Variants in NYAP2 observed in about 807,000 individuals in gnomAD.
NYAP2 encodes the protein neuronal tyrosine-phosphorylated phosphoinositide-3-kinase adaptor 2, also known as neuronal tyrosine-phosphorylated phosphoinositide-3-kinase adapter 2.
In NYAP2, 23 loss-of-function variants were observed where a neutral mutation model predicts 50.4. The observed-to-expected ratio is 0.46, with a 90% CI of 0.33 to 0.65. The LOEUF (loss-of-function observed/expected upper bound fraction) is 0.65, where lower values mean the gene tolerates loss of function less well. Ranked by LOEUF, NYAP2 falls within the 30% of genes least tolerant of loss-of-function variation. The pLI, the probability that NYAP2 is intolerant of heterozygous loss-of-function variation, is 0.02. For synonymous variants in NYAP2, 394 were observed against 365.2 expected (o/e 1.08, Z -0.90); for missense variants, 885 against 861.0 (o/e 1.03, Z -0.35).
At chr2:225,665,917 T>C in the NYAP2 span, among the ~76,000 whole-genome samples, 1 of 149,254 alleles carries the variant, frequency 6.7e-6, no homozygotes, top group African/African-American at 2.5e-5. Flanking sequence ...CTTCTTTCCT[T>C]CTTATCCCAC....
intron 3 of NYAP2, among the ~76,000 whole-genome samples, chr2:225,441,863 C>T (rs1434367679): frequency 6.6e-6 from 1 of 152,146 alleles, no homozygotes; most frequent in Admixed American, 6.5e-5. Flanking sequence ...GGCTCAGTTT[C>T]CTCATCTATA....
At chr2:225,397,992 A>T (rs1341965308), upstream of NYAP2, among the ~76,000 whole-genome samples, 3 of 152,090 alleles carry the variant, frequency 2.0e-5, no homozygotes, top group East Asian at 1.9e-4. Flanking sequence ...TATGAAACTT[A>T]AAAGACCATC....
chr2:225,579,185 G>A (rs1574689404), intron 4 of NYAP2, among the ~76,000 whole-genome samples: 2 of 151,784 alleles, frequency 1.3e-5, no homozygotes, highest in Admixed American at 1.3e-4. Flanking sequence ...CCTCATCCAA[G>A]CCTAATTATC....
chr2:225,700,534 A>G, the NYAP2 span: 1 of 151,856 alleles, frequency 6.6e-6, no homozygotes, highest in Non-Finnish European at 1.5e-5. Context: ...TATGAAGCAC[A>G]AATCTAAGGG....
At position 225,601,866 on chromosome 2, in the gene NYAP2, C is replaced by T. The variant is rs370123480; in HGVS notation, c.1618+18831C>T. Among the ~76,000 whole-genome samples the T allele has an allele frequency of 1.1e-4, 17 of 152,268 alleles. No homozygotes were observed. The South Asian group carries it at 2.3e-3, about 20-fold the overall frequency. On this transcript the variant is annotated intron_variant, in intron 5 of 6. Coordinates refer to ENST00000636099, the Ensembl canonical transcript of NYAP2. The stretch of plus-strand genomic sequence containing the variant: ...TGCCTTTTCACTCTGCTGATAGTGT[C>T]CTTTGATGCGCAAAAATTTTAAATT...
intron 5 of NYAP2, among the ~76,000 whole-genome samples, chr2:225,590,445 T>C (rs1476991018): frequency 1.3e-5 from 2 of 152,310 alleles, no homozygotes; most frequent in East Asian, 3.9e-4. Context: ...TTGTTAAAAA[T>C]ACAGATTGCT....
intron 3 of NYAP2, among the ~76,000 whole-genome samples, chr2:225,460,967 T>A (rs1689819338): frequency 7.9e-6 from 1 of 126,186 alleles, no homozygotes; most frequent in Non-Finnish European, 1.5e-5. Flanking sequence ...CACTCCTGCC[T>A]GAGCGACAGA....
chr2:225,567,922 G>A (rs1368732782), intron 4 of NYAP2, among the ~76,000 whole-genome samples: 2 of 152,160 alleles, frequency 1.3e-5, no homozygotes, highest in Non-Finnish European at 2.9e-5. Context: ...GGCATATTTT[G>A]CAGTAATTCT....
chr2:225,421,080 G>A (rs1695207928), intron 3 of NYAP2, among the ~76,000 whole-genome samples: 1 of 151,376 alleles, frequency 6.6e-6, no homozygotes, highest in African/African-American at 2.4e-5. Context: ...ACACCACTAT[G>A]CCCAGCTAAT....
At chr2:225,693,283 G>T in the NYAP2 span, among the ~76,000 whole-genome samples, 1 of 152,030 alleles carries the variant, frequency 6.6e-6, no homozygotes, top group Non-Finnish European at 1.5e-5. Context: ...AGGAGTACTG[G>T]TATGGTATTT....
intron 2 of NYAP2, among the ~76,000 whole-genome samples, chr2:225,404,420 A>G (rs192641394): frequency 1.1e-3 from 171 of 152,142 alleles, no homozygotes; most frequent in Admixed American, 2.6e-3. Flanking sequence ...GGGTAGTTTT[A>G]TTTCAGTGGA....
At chr2:225,487,052 A>G (rs1045717358) in intron 3 of NYAP2, among the ~76,000 whole-genome samples, 2 of 152,224 alleles carry the variant, frequency 1.3e-5, no homozygotes, top group African/African-American at 4.8e-5. Context: ...TGGTGCTCTT[A>G]TCTCCTCCAG....
intron 3 of NYAP2, among the ~76,000 whole-genome samples, chr2:225,484,833 T>TGTCATCTGAAATGTATCAGC (rs971800007): frequency 5.3e-5 from 8 of 152,248 alleles, no homozygotes; most frequent in Non-Finnish European, 1.0e-4. Context: ...TTTGCATCAG[T>TGTCATCTGAAATGTATCAGC]GTCATCTGAA....
exon 6 of NYAP2, chr2:225,626,924 A>T (rs773856064): frequency 6.4e-7 from 1 of 1,571,428 alleles, no homozygotes; most frequent in South Asian, 1.2e-5. Context: ...CAGAATCAAC[A>T]GAGGAACTGA....
At chr2:225,648,714 A>G (rs1428362256) in intron 6 of NYAP2, among the ~76,000 whole-genome samples, 12 of 152,208 alleles carry the variant, frequency 7.9e-5, no homozygotes, top group Admixed American at 2.0e-4. Context: ...AAGATCCAAG[A>G]TATTGAGAAG....
chr2:225,456,136 A>C (rs1689734800), intron 3 of NYAP2, among the ~76,000 whole-genome samples: 1 of 152,220 alleles, frequency 6.6e-6, no homozygotes, highest in Non-Finnish European at 1.5e-5. Flanking sequence ...TTACATTTGC[A>C]TATGAGTCCA....
At chr2:225,651,700 G>T in exon 7 of NYAP2, 3 of 882,278 alleles carry the variant, frequency 3.4e-6, no homozygotes, top group Non-Finnish European at 5.1e-6. Flanking sequence ...GGCAGTCTGT[G>T]TTTTCATTTG....
intron 3 of NYAP2, among the ~76,000 whole-genome samples, chr2:225,412,252 C>T (rs1334871031): frequency 6.2e-4 from 16 of 25,800 alleles, no homozygotes; most frequent in Admixed American, 1.4e-3. Flanking sequence ...CCACTGCGCC[C>T]GGCTTTTTTT....
At chr2:225,574,145 A>C (rs1041362752) in intron 4 of NYAP2, among the ~76,000 whole-genome samples, 2 of 152,230 alleles carry the variant, frequency 1.3e-5, no homozygotes, top group African/African-American at 2.4e-5. Flanking sequence ...ATCTTGGTGC[A>C]GTTTCTCAGG....
Sources: allele counts gnomAD v4.1 joint callset (sites outside exome capture counted in the v4.1 genomes callset), GRCh38; gene constraint gnomAD v4.1.1; transcripts MANE v1.5; gene names NCBI Gene and HGNC (gene_info 2026-07-23, HGNC 2026-07-21).